The following MACROD2 variants were observed in gnomAD, a reference collection of about 807,000 sequenced individuals.
MACROD2 encodes mono-ADP ribosylhydrolase 2, also known as ADP-ribose glycohydrolase MACROD2.
A neutral mutation model predicts 70.4 loss-of-function variants in MACROD2; 36 were observed. That is an observed-to-expected ratio of 0.51 (90% CI 0.39 to 0.68). MACROD2 has a LOEUF of 0.68. Ranked by LOEUF, MACROD2 falls within the 30% of genes least tolerant of loss-of-function variation. The probability of loss-of-function intolerance (pLI) is 0.00; values close to 1 mark genes in which losing one functional copy is unlikely to be tolerated. For missense variants in MACROD2, 496 were observed against 538.4 expected (o/e 0.92, Z 0.78); for synonymous variants, 172 against 178.8 (o/e 0.96, Z 0.30).
intron 4 of MACROD2, among the ~76,000 whole-genome samples, chr20:14,644,100 T>C (rs1404587176): frequency 6.6e-6 from 1 of 152,166 alleles, no homozygotes; most frequent in East Asian, 1.9e-4. Flanking sequence ...ATTAAATAAC[T>C]AAATATTTTT....
chr20:14,021,149 C>T (rs1259824015), intron 2 of MACROD2, among the ~76,000 whole-genome samples: 3 of 151,990 alleles, frequency 2.0e-5, no homozygotes, highest in Non-Finnish European at 1.5e-5. Context: ...ACCACCATGC[C>T]CAGCTAATTT....
intron 3 of MACROD2, chr20:14,325,530 C>T: frequency 6.4e-7 from 1 of 1,574,430 alleles, no homozygotes; most frequent in Admixed American, 1.8e-5. Context: ...AAACCCAAAA[C>T]ACAAGTCTGC....
chr20:14,679,511 A>G (rs960033430), intron 4 of MACROD2, among the ~76,000 whole-genome samples: 5 of 152,218 alleles, frequency 3.3e-5, no homozygotes, highest in Non-Finnish European at 5.9e-5. Flanking sequence ...GTGTTTTACA[A>G]TGTAAGATAT....
At position 15,037,773 on chromosome 20, in the gene MACROD2, A is replaced by G. The variant is rs184786867; in HGVS notation, c.419-192167A>G. Among the ~76,000 whole-genome samples, 421 of 152,126 alleles carry G rather than the reference A, an allele frequency of 2.8e-3. 2 individuals carry two copies. Among genetic ancestry groups the G allele is most frequent in the Non-Finnish European group, 4.2e-3 (287 of 67,990 alleles). ...GCTGTATGAACATGTTAGTTTCCTCATCTATAAAATGGAAATTTTAATCTA... is the reference window on the plus strand; with the variant it reads ...GCTGTATGAACATGTTAGTTTCCTCGTCTATAAAATGGAAATTTTAATCTA... On this transcript the variant is annotated intron_variant, in intron 5 of 17. Coordinates refer to ENST00000684519, the MANE Select transcript of MACROD2 (RefSeq NM_001351661.2).
At chr20:14,485,689 A>C (rs374364124) in intron 3 of MACROD2, among the ~76,000 whole-genome samples, 4 of 90,824 alleles carry the variant, frequency 4.4e-5, no homozygotes. Flanking sequence ...GCAACAGAGC[A>C]AGACTCCGTC....
intron 6 of MACROD2, among the ~76,000 whole-genome samples, chr20:15,287,342 T>C (rs1183965068): frequency 2.0e-5 from 3 of 152,194 alleles, no homozygotes; most frequent in African/African-American, 7.2e-5. Flanking sequence ...TTTAATGATG[T>C]TTTTCAGCGT....
intron 3 of MACROD2, among the ~76,000 whole-genome samples, chr20:14,121,014 C>T (rs2054581856): frequency 6.6e-6 from 1 of 151,676 alleles, no homozygotes; most frequent in Non-Finnish European, 1.5e-5. Flanking sequence ...TGTACAGGTA[C>T]CATTTTTTTT....
At chr20:15,220,307 A>G (rs1331212956) in intron 5 of MACROD2, among the ~76,000 whole-genome samples, 1 of 152,202 alleles carries the variant, frequency 6.6e-6, no homozygotes, top group East Asian at 1.9e-4. Context: ...TTATTTAATC[A>G]CCCACAGATT....
At chr20:15,370,479 A>C (rs1426388793) in intron 6 of MACROD2, among the ~76,000 whole-genome samples, 3 of 152,234 alleles carry the variant, frequency 2.0e-5, no homozygotes, top group Middle Eastern at 3.4e-3. Context: ...TCTGAAGCTT[A>C]CTGCCCAATA....
At chr20:15,166,442 A>C (rs994054511) in intron 5 of MACROD2, among the ~76,000 whole-genome samples, 1 of 152,184 alleles carries the variant, frequency 6.6e-6, no homozygotes, top group African/African-American at 2.4e-5. Flanking sequence ...CTAGAACCCA[A>C]GCAGCCTGGC....
chr20:15,444,360 A>G (rs2046534491), intron 7 of MACROD2, among the ~76,000 whole-genome samples: 2 of 152,204 alleles, frequency 1.3e-5, no homozygotes, highest in African/African-American at 4.8e-5. Flanking sequence ...GATGCAGCTC[A>G]TTTAAGCATA....
At chr20:15,579,493 C>T (rs2048494813) in intron 8 of MACROD2, among the ~76,000 whole-genome samples, 1 of 152,126 alleles carries the variant, frequency 6.6e-6, no homozygotes, top group Non-Finnish European at 1.5e-5. Context: ...ATGAGCTAGG[C>T]ACAGCATTTC....
intron 8 of MACROD2, among the ~76,000 whole-genome samples, chr20:15,709,226 C>A (rs1197603153): frequency 2.0e-5 from 3 of 152,120 alleles, no homozygotes; most frequent in African/African-American, 7.2e-5. Context: ...CTGTGGTGGC[C>A]CTGCAGATGG....
In MACROD2 at chr20:16,002,179, T is replaced by C. The variant is rs191981795; in HGVS notation, c.1153+15021T>C. On this transcript the variant is annotated intron_variant, in intron 15 of 17. Transcript: ENST00000684519. The stretch of plus-strand genomic sequence containing the variant: ...AATACAGGAACATATCCAGAAGATA[T>C]CTTACTATTTTATCACCTATAGTAA... Among the ~76,000 whole-genome samples, 467 of 152,244 alleles carry C rather than the reference T, an allele frequency of 3.1e-3. 1 individual carries two copies. The highest frequency in any genetic ancestry group is 0.01 in the African/African-American group (429 of 41,530).
At position 15,777,528 on chromosome 20, in the gene MACROD2, TC is replaced by T. The variant is rs1391132020; in HGVS notation, c.646-85215del. ...TTCCTTCTTTCCTTCCTTCCTTCCT[TC>T]CTTCCTTCCTTCCTTCCTTCCTTCC... On this transcript the variant is annotated intron_variant, in intron 8 of 17. Coordinates refer to ENST00000684519, the MANE Select transcript of MACROD2 (RefSeq NM_001351661.2). 1.6e-3 allele frequency among the ~76,000 whole-genome samples: 21 copies of T among 13,486 alleles called. 1 individual carries two copies. The South Asian group carries it at 0.029, about 19-fold the overall frequency. The allele number at this position is 13,486 out of a possible 152,430, so 8.8% of individuals were successfully genotyped here.
intron 8 of MACROD2, among the ~76,000 whole-genome samples, chr20:15,788,652 A>G (rs1167763413): frequency 6.6e-6 from 1 of 152,222 alleles, no homozygotes. Flanking sequence ...GAAGGAAAAG[A>G]TATGCATTAA....
intron 4 of MACROD2, among the ~76,000 whole-genome samples, chr20:14,619,728 T>C (rs1476527794): frequency 6.6e-6 from 1 of 152,132 alleles, no homozygotes; most frequent in Non-Finnish European, 1.5e-5. Flanking sequence ...ATGGCTGTTA[T>C]CAATCCATAC....
intron 3 of MACROD2, among the ~76,000 whole-genome samples, chr20:14,252,743 C>T (rs1350465546): frequency 6.6e-6 from 1 of 151,926 alleles, no homozygotes; most frequent in Non-Finnish European, 1.5e-5. Flanking sequence ...AACAAATTTC[C>T]TCTCACCCAG....
At chr20:14,912,216 C>A (rs774439744) in intron 5 of MACROD2, among the ~76,000 whole-genome samples, 4 of 152,184 alleles carry the variant, frequency 2.6e-5, no homozygotes, top group Non-Finnish European at 5.9e-5. Context: ...TTATCTCTAG[C>A]TTTGACTCAT....
Sources: gnomAD v4.1 joint callset for allele counts (sites outside exome capture counted in the v4.1 genomes callset) on GRCh38, gnomAD v4.1.1 for gene constraint, MANE v1.5 for transcripts, NCBI Gene and HGNC (gene_info 2026-07-23, HGNC 2026-07-21) for gene names.